Variants in CUEDC1 observed in about 807,000 individuals in gnomAD.
CUEDC1 encodes the protein CUE domain containing 1.
Under a neutral mutation model 43.7 loss-of-function variants are expected in CUEDC1, and 30 were observed. The observed-to-expected ratio is 0.69, with a 90% confidence interval of 0.51 to 0.93. The LOEUF (loss-of-function observed/expected upper bound fraction) is 0.93. CUEDC1 is among the 40% of genes least tolerant of loss of function. The pLI, the probability that CUEDC1 is intolerant of heterozygous loss-of-function variation, is 0.00. For missense variants in CUEDC1, 486 were observed against 549.0 expected (o/e 0.89, Z 1.15); for synonymous variants, 223 against 223.6 (o/e 1.00, Z 0.02).
At chr17:57,872,960 G>T in intron 4 of CUEDC1, 105 bp from the exon 5 acceptor site, 1 of 1,077,866 alleles carries the variant, frequency 9.3e-7, no homozygotes, top group Non-Finnish European at 1.3e-6. Flanking sequence ...ACATCCTCCA[G>T]CCCTCACCTG....
intron 1 of CUEDC1, among the ~76,000 whole-genome samples, chr17:57,921,559 C>T (rs1476634393): frequency 6.6e-6 from 1 of 152,312 alleles, no homozygotes; most frequent in Admixed American, 6.5e-5. Flanking sequence ...AAAGAAAGGG[C>T]TATTTCTCAA....
rs1351984078 is a variant in CUEDC1 at position 57,863,162 on chromosome 17, C to G, written c.*127G>C. On this transcript the variant is annotated 3_prime_UTR_variant, in exon 11 of 11. Transcript: ENST00000577830. ...GGCTGGACTGTGGCTGGAGGATCAC[C>G]GGGCCTCGGTTCTCAAGCACCATCT... 1 of 152,642 alleles carries G rather than the reference C, an allele frequency of 6.6e-6. No individual in the cohort carries two copies. The highest frequency in any genetic ancestry group is 1.5e-5 in the Non-Finnish European group (1 of 68,116). 9.5% of individuals were successfully genotyped at this position (152,642 alleles called of 1,614,324 possible). A position where few individuals can be genotyped will look rare whatever the true frequency, so the allele number is the denominator to read the frequency against.
chr17:57,920,834 G>C (rs932001323), intron 1 of CUEDC1, among the ~76,000 whole-genome samples: 1 of 151,750 alleles, frequency 6.6e-6, no homozygotes, highest in Non-Finnish European at 1.5e-5. Flanking sequence ...ACAGGGTTTC[G>C]CCATGTTGGC....
At chr17:57,923,087 A>G (rs2074713320) in intron 1 of CUEDC1, among the ~76,000 whole-genome samples, 1 of 152,056 alleles carries the variant, frequency 6.6e-6, no homozygotes. Flanking sequence ...CGGCCTCCCA[A>G]AGTGCTAGGA....
At position 57,863,059 on chromosome 17, in the gene CUEDC1, TA is replaced by T. The variant is rs11335586; in HGVS notation, c.*229del. 56,400 of 152,346 alleles carry T rather than the reference TA, an allele frequency of 0.37. 11,049 individuals carry two copies. The highest frequency in any genetic ancestry group is 0.46 in the African/African-American group (19,179 of 41,382). The allele number at this position is 152,346 out of a possible 1,614,324, so 9.4% of individuals were successfully genotyped here. A position where few individuals can be genotyped will look rare whatever the true frequency, so the allele number is the denominator to read the frequency against. On this transcript the variant is annotated 3_prime_UTR_variant, in exon 11 of 11. Coordinates refer to ENST00000577830, the MANE Select transcript of CUEDC1 (RefSeq NM_001271875.2). ...AGGGGCTGTAATTGGCTGCTGCCTA[TA>T]GGGGCCCCAGGTCCTTCCTCCAATT...
chr17:57,868,383 A>G, intron 7 of CUEDC1, 140 bp from the exon 8 acceptor site: 1 of 711,212 alleles, frequency 1.4e-6, no homozygotes, highest in Admixed American at 2.2e-5. Flanking sequence ...GGAGCTGAGG[A>G]GGGAGAGATG....
chr17:57,911,125 C>T (rs183771170), intron 1 of CUEDC1, among the ~76,000 whole-genome samples: 2 of 152,312 alleles, frequency 1.3e-5, no homozygotes, highest in East Asian at 3.9e-4. Context: ...ACCTGGAGGG[C>T]TGGTTAAACA....
At chr17:57,929,758 G>C (rs2074785447) in intron 1 of CUEDC1, among the ~76,000 whole-genome samples, 2 of 152,186 alleles carry the variant, frequency 1.3e-5, no homozygotes, top group Non-Finnish European at 2.9e-5. Flanking sequence ...TGTCCCTGCA[G>C]CATCCAAAGT....
chr17:57,952,472 C>A (rs759533221), intron 1 of CUEDC1, among the ~76,000 whole-genome samples: 2 of 152,082 alleles, frequency 1.3e-5, no homozygotes, highest in Non-Finnish European at 2.9e-5. Flanking sequence ...GGTGATCCAC[C>A]CCCCTCGGCC....
chr17:57,910,848 T>G (rs771797836), intron 1 of CUEDC1, among the ~76,000 whole-genome samples: 2 of 152,136 alleles, frequency 1.3e-5, no homozygotes, highest in Non-Finnish European at 2.9e-5. Context: ...AAGTCTGGCA[T>G]GAGACCCAGT....
chr17:57,864,392 C>T (rs374706623), intron 10 of CUEDC1, among the ~76,000 whole-genome samples: 1 of 151,960 alleles, frequency 6.6e-6, no homozygotes, highest in Non-Finnish European at 1.5e-5. Flanking sequence ...GAGAAGACTT[C>T]GAAGAGGGTC....
chr17:57,896,484 T>TGGGGGG (rs370021887), intron 1 of CUEDC1, among the ~76,000 whole-genome samples: 1,271 of 60,760 alleles, frequency 0.021, 22 homozygotes, highest in African/African-American at 0.032. Context: ...TAGTGCATTA[T>TGGGGGG]GGGGTGTGTG....
intron 7 of CUEDC1, 114 bp downstream of exon 7, chr17:57,869,008 G>A: frequency 2.9e-6 from 3 of 1,043,434 alleles, no homozygotes; most frequent in Non-Finnish European, 4.3e-6. Flanking sequence ...AATGTCACTG[G>A]TTCACCAAGA....
At position 57,861,752 on chromosome 17, in the gene CUEDC1, C is replaced by T. The variant is rs900606673; in HGVS notation, c.*1537G>A. The T allele has an allele frequency of 6.6e-6, 1 of 152,208 alleles. No homozygotes were observed. The highest frequency in any genetic ancestry group is 1.5e-5 in the Non-Finnish European group (1 of 68,010). The allele number at this position is 152,208 out of a possible 1,614,324, so 9.4% of individuals were successfully genotyped here. A position where few individuals can be genotyped will look rare whatever the true frequency, so the allele number is the denominator to read the frequency against. ...GCGCCGGGTCCTGGCGCGGGGAAGG[C>T]TCAGAGACCCGTCGAGAACTCGAGC... On this transcript the variant is annotated 3_prime_UTR_variant, in exon 11 of 11. Transcript: ENST00000577830.
At chr17:57,899,601 T>G (rs2074450061) in intron 1 of CUEDC1, among the ~76,000 whole-genome samples, 1 of 152,132 alleles carries the variant, frequency 6.6e-6, no homozygotes, top group South Asian at 2.1e-4. Context: ...ACAGCTCACA[T>G]GCCTGCATGT....
chr17:57,879,358 T>C (rs143918079), intron 3 of CUEDC1, among the ~76,000 whole-genome samples: 3 of 152,358 alleles, frequency 2.0e-5, no homozygotes, highest in African/African-American at 7.2e-5. Context: ...GAGCTTTACT[T>C]AACTCTGTGT....
intron 7 of CUEDC1, 42 bp downstream of exon 7, chr17:57,869,080 C>G (rs1568027001): frequency 6.2e-7 from 1 of 1,606,782 alleles, no homozygotes. Context: ...GGGCCTGTCT[C>G]AGAAAAGCTG....
chr17:57,899,283 A>C (rs993079728), intron 1 of CUEDC1, among the ~76,000 whole-genome samples: 32 of 151,988 alleles, frequency 2.1e-4, no homozygotes, highest in Non-Finnish European at 4.3e-4. Context: ...TGCTCCCTCC[A>C]CCCGGCCTCA....
chr17:57,942,901 GCCTGTAGTCCCAGCT>G (rs1214233973), intron 1 of CUEDC1, among the ~76,000 whole-genome samples: 1 of 151,928 alleles, frequency 6.6e-6, no homozygotes, highest in East Asian at 2.0e-4. Context: ...GGTGGCAGGT[GCCTGTAGTCCCAGCT>G]ACTCGGGAGG....
Sources: allele counts gnomAD v4.1 joint callset (sites outside exome capture counted in the v4.1 genomes callset), GRCh38; gene constraint gnomAD v4.1.1; transcripts MANE v1.5; gene names NCBI Gene and HGNC (gene_info 2026-07-23, HGNC 2026-07-21).